The following RAPGEF2 variants were observed in gnomAD, a reference collection of about 807,000 sequenced individuals.
RAPGEF2 encodes Rap guanine nucleotide exchange factor 2, also known as PDZ domain containing guanine nucleotide exchange factor (GEF) 1.
In RAPGEF2, 54 loss-of-function variants were observed where a neutral mutation model predicts 186.7. The ratio of observed to expected loss-of-function variants is 0.29; its 90% CI spans 0.23 to 0.36. The LOEUF is 0.36. Ranked by LOEUF, RAPGEF2 falls within the 10% of genes least tolerant of loss-of-function variation. RAPGEF2 has a pLI of 1.00. For synonymous variants in RAPGEF2, 712 were observed against 705.9 expected, an observed-to-expected ratio of 1.01 and a Z score of -0.14; for missense variants, 1,532 against 2,045.0, an observed-to-expected ratio of 0.75 and a Z score of 4.84.
At chr4:159,163,171 T>G (rs564367558) in intron 1 of RAPGEF2, among the ~76,000 whole-genome samples, 1 of 152,306 alleles carries the variant, frequency 6.6e-6, no homozygotes, top group South Asian at 2.1e-4. Context: ...AGTAAATGGT[T>G]CAATTATAAG....
chr4:159,195,875 G>GTTTTTTTT (rs34827512), intron 3 of RAPGEF2, among the ~76,000 whole-genome samples: 2 of 94,208 alleles, frequency 2.1e-5, no homozygotes, highest in African/African-American at 3.9e-5. Context: ...AAACATACCT[G>GTTTTTTTT]TTTTTTTTTT....
At position 159,353,968 on chromosome 4, in the gene RAPGEF2, G is replaced by A; in HGVS notation, c.4573G>A (p.Val1525Met). ...AGCCGAAAGCAGTAGCCTAACGTCT[G>A]TGACTACGGAAGAAACCAAGCCTGT... is the stretch of plus-strand genomic sequence containing the variant. ...IEAESSSLTSVTTEETKPVPM... is the reference protein window; with the variant it reads ...IEAESSSLTSMTTEETKPVPM... The change falls in exon 28 of 30, where the codon GTG becomes ATG. Residue 1525 changes from valine (V) to methionine (M), a missense_variant. By Grantham distance (21) the Val-to-Met change is conservative (BLOSUM62 1). Around this residue, in one of 4 missense-constraint regions of RAPGEF2, gnomAD observed 594 missense variants for 608.5 expected, o/e 0.98. Coordinates refer to ENST00000691494, the MANE Select transcript of RAPGEF2 (RefSeq NM_001394067.2). The surrounding 1 kb of genome is among the most constrained non-coding windows in gnomAD (Gnocchi z 4.3). 1 of 1,613,800 alleles carries A rather than the reference G, an allele frequency of 6.2e-7. No homozygotes were observed.
Position 159,189,939 on chromosome 4 carries a change from G to A in RAPGEF2, c.140+3227G>A, listed in dbSNP as rs559223052. Among the ~76,000 whole-genome samples the A allele has an allele frequency of 8.4e-4, 128 of 152,336 alleles. 1 individual carries two copies. Among genetic ancestry groups the A allele is most frequent in the Non-Finnish European group, 1.6e-3 (107 of 68,042 alleles). On this transcript the variant is annotated intron_variant, in intron 2 of 29. Transcript: ENST00000691494. ...TGACATCACGGAACTGAGGTTCCTA[G>A]TGGAGCAGAAAAGATTGATATTTGG...
intron 1 of RAPGEF2, among the ~76,000 whole-genome samples, chr4:159,176,011 C>T (rs76489494): frequency 9.9e-4 from 150 of 152,122 alleles, no homozygotes; most frequent in African/African-American, 3.6e-3. Flanking sequence ...TATTAAAGTG[C>T]CCACATAGAG....
intron 1 of RAPGEF2, among the ~76,000 whole-genome samples, chr4:159,178,089 A>C (rs1327118098): frequency 2.6e-5 from 4 of 152,232 alleles, no homozygotes; most frequent in African/African-American, 9.6e-5. Context: ...ACCATTAAGA[A>C]AGACTTTTTA....
intron 4 of RAPGEF2, among the ~76,000 whole-genome samples, chr4:159,212,035 G>A (rs1054921476): frequency 1.3e-5 from 2 of 152,112 alleles, no homozygotes; most frequent in African/African-American, 4.8e-5. Flanking sequence ...TTTTGTATAT[G>A]TTAAATGATT....
At chr4:159,220,224 T>C (rs1751402738) in intron 4 of RAPGEF2, among the ~76,000 whole-genome samples, 1 of 152,118 alleles carries the variant, frequency 6.6e-6, no homozygotes, top group African/African-American at 2.4e-5. Flanking sequence ...ACTTGTAAAG[T>C]CAAGAGGGGT....
intron 4 of RAPGEF2, among the ~76,000 whole-genome samples, chr4:159,235,235 G>T (rs1753116269): frequency 6.6e-6 from 1 of 152,058 alleles, no homozygotes; most frequent in African/African-American, 2.4e-5. Context: ...TATTGTTTTT[G>T]ATTCTTTCCT....
rs954234233 is a variant in RAPGEF2 at position 159,330,158 on chromosome 4, AG to A, written c.1302+149del. On this transcript the variant is annotated intron_variant, in intron 12 of 29. Coordinates refer to ENST00000691494, the MANE Select transcript of RAPGEF2 (RefSeq NM_001394067.2). ...CTTTATGTATGATCTCCTAGTGAAT[AG>A]CAGTTTCATTAATTGTTAACTGTGT... 8.1e-6 allele frequency: 7 copies of A among 867,482 alleles called. No individual in the cohort carries two copies. The Admixed American group carries it at 1.4e-4, about 18-fold the overall frequency. 53.7% of individuals were successfully genotyped at this position (867,482 alleles called of 1,614,324 possible). A position where few individuals can be genotyped will look rare whatever the true frequency, so the allele number is the denominator to read the frequency against.
rs1042145227 is a variant in RAPGEF2 at position 159,200,863 on chromosome 4, C to G, written c.197+7607C>G. On this transcript the variant is annotated intron_variant, in intron 3 of 29. Coordinates refer to ENST00000691494, the MANE Select transcript of RAPGEF2 (RefSeq NM_001394067.2). The stretch of plus-strand genomic sequence containing the variant: ...AAATTACCCTCTACTTTAAAAATGT[C>G]ATTTGTTTTCTTATTGTGGGAATTT... Among the ~76,000 whole-genome samples the G allele has an allele frequency of 3.9e-5, 6 of 151,940 alleles. No individual in the cohort carries two copies. In the East Asian group the frequency reaches 9.6e-4, roughly 24 times the overall value.
intron 7 of RAPGEF2, among the ~76,000 whole-genome samples, chr4:159,247,256 C>T (rs578232679): frequency 6.6e-6 from 1 of 152,188 alleles, no homozygotes; most frequent in East Asian, 1.9e-4. Flanking sequence ...AGGTCTGTCC[C>T]AGGCTCTAGA....
intron 1 of RAPGEF2, among the ~76,000 whole-genome samples, chr4:159,184,687 T>C (rs1561057414): frequency 6.6e-6 from 1 of 152,224 alleles, no homozygotes; most frequent in Non-Finnish European, 1.5e-5. Context: ...TCCCGTTCTG[T>C]AGGTTGCCTA....
intron 17 of RAPGEF2, among the ~76,000 whole-genome samples, chr4:159,335,689 G>T (rs1327073842): frequency 6.6e-6 from 1 of 152,040 alleles, no homozygotes; most frequent in Non-Finnish European, 1.5e-5. Flanking sequence ...CAAAACATTA[G>T]CCGGGCATGG....
At chr4:159,156,838 C>T (rs1744186335) in intron 1 of RAPGEF2, among the ~76,000 whole-genome samples, 1 of 152,016 alleles carries the variant, frequency 6.6e-6, no homozygotes, top group Non-Finnish European at 1.5e-5. Flanking sequence ...AGAAAAACCC[C>T]CAAACCCAAA....
intron 7 of RAPGEF2, among the ~76,000 whole-genome samples, chr4:159,286,030 A>AACC (rs35426817): frequency 0.16 from 14,315 of 88,954 alleles, 1,773 homozygotes; most frequent in East Asian, 0.23. Context: ...TGTTCCCCCC[A>AACC]ACCACCACCA....
intron 7 of RAPGEF2, among the ~76,000 whole-genome samples, chr4:159,285,854 A>G (rs187378077): frequency 6.6e-5 from 10 of 152,302 alleles, no homozygotes; most frequent in South Asian, 2.1e-4. Context: ...TAAGCACTCA[A>G]TGAGCAGGTG....
At chr4:159,182,664 G>A (rs1272532573) in intron 1 of RAPGEF2, among the ~76,000 whole-genome samples, 1 of 152,030 alleles carries the variant, frequency 6.6e-6, no homozygotes, top group Non-Finnish European at 1.5e-5. Flanking sequence ...CCAAAATGCT[G>A]GGATTACAGG....
rs181436595 is a variant in RAPGEF2 at position 159,316,997 on chromosome 4, G to A, written c.853+2229G>A. Among the ~76,000 whole-genome samples, 165 of 152,176 alleles carry A rather than the reference G, an allele frequency of 1.1e-3. 1 individual carries two copies. The highest frequency in any genetic ancestry group is 3.9e-3 in the African/African-American group (164 of 41,532). ...CTTGCCTGAGCCTTGCTTGTCTGTT[G>A]TACCACTCCCCCAACTCTTGGGCCA... On this transcript the variant is annotated intron_variant, in intron 9 of 29. Coordinates refer to ENST00000691494, the MANE Select transcript of RAPGEF2 (RefSeq NM_001394067.2).
intron 19 of RAPGEF2, 115 bp downstream of exon 19, chr4:159,339,469 AAAAAG>A: frequency 7.6e-7 from 1 of 1,319,600 alleles, no homozygotes; most frequent in Non-Finnish European, 1.0e-6. Context: ...CCCTGCGATT[AAAAAG>A]TATTGTTGTT....
Sources: gnomAD v4.1 joint callset for allele counts (sites outside exome capture counted in the v4.1 genomes callset) on GRCh38, gnomAD v4.1.1 for gene constraint, gnomAD v4.1.1 regional missense constraint, Gnocchi (gnomAD v3.1) non-coding constraint, MANE v1.5 for transcripts, NCBI Gene and HGNC (gene_info 2026-07-23, HGNC 2026-07-21) for gene names.